PPARGC1A: variants seen among roughly 807,000 people sequenced by gnomAD.
The protein encoded by PPARGC1A is peroxisome proliferator-activated receptor gamma coactivator 1-alpha.
Under a neutral mutation model 88.7 loss-of-function variants are expected in PPARGC1A, and 25 were observed. That is an observed-to-expected ratio of 0.28 (90% CI 0.21 to 0.39). The LOEUF (loss-of-function observed/expected upper bound fraction) is 0.39. PPARGC1A is among the 10% of genes least tolerant of loss of function. The pLI is 1.00. For synonymous variants in PPARGC1A, 363 were observed against 355.6 expected (o/e 1.02, Z -0.24); for missense variants, 880 against 968.7 (o/e 0.91, Z 1.22).
In PPARGC1A at chr4:23,792,128, T is replaced by G. The variant is rs58448908; in HGVS notation, c.*3694A>C. 1 of 152,518 alleles carries G rather than the reference T, an allele frequency of 6.6e-6. No individual in the cohort carries two copies. Among genetic ancestry groups the G allele is most frequent in the Admixed American group, 6.6e-5 (1 of 15,238 alleles). 9.4% of individuals were successfully genotyped at this position (152,518 alleles called of 1,614,324 possible). On this transcript the variant is annotated 3_prime_UTR_variant, in exon 13 of 13. Coordinates refer to ENST00000264867, the MANE Select transcript of PPARGC1A (RefSeq NM_013261.5). ...CATACAATGAATAAAACCACAACAA[T>G]ACATGTAGAATTGGCAGGTGGAAAA...
At chr4:24,015,757 T>C in the PPARGC1A span, among the ~76,000 whole-genome samples, 4 of 152,184 alleles carry the variant, frequency 2.6e-5, no homozygotes, top group Admixed American at 2.6e-4. Context: ...ACAGTACATA[T>C]GACTTGTACA....
chr4:24,311,086 CTTTTTTTTTTTTT>C, the PPARGC1A span, among the ~76,000 whole-genome samples: 3 of 59,870 alleles, frequency 5.0e-5, no homozygotes, highest in Admixed American at 3.1e-4. Context: ...TATAATAATT[CTTTTTTTTTTTTT>C]TTTTTTTTTT....
intron 2 of PPARGC1A, among the ~76,000 whole-genome samples, chr4:23,836,727 TA>T (rs1216321055): frequency 6.6e-6 from 1 of 152,190 alleles, no homozygotes; most frequent in Non-Finnish European, 1.5e-5. Flanking sequence ...GGGGCACCTC[TA>T]CATTAAAATT....
At chr4:23,948,225 G>A in the PPARGC1A span, among the ~76,000 whole-genome samples, 47 of 152,270 alleles carry the variant, frequency 3.1e-4, no homozygotes, top group African/African-American at 1.1e-3. Context: ...AAACACCGTT[G>A]CTTCCCTCAA....
the PPARGC1A span, among the ~76,000 whole-genome samples, chr4:24,372,121 C>T: frequency 1.3e-5 from 2 of 152,140 alleles, no homozygotes; most frequent in African/African-American, 4.8e-5. Context: ...CAGCTCATTC[C>T]ATTCACCCCA....
the PPARGC1A span, among the ~76,000 whole-genome samples, chr4:24,354,912 CAG>C: frequency 1.4e-5 from 2 of 143,682 alleles, no homozygotes; most frequent in Non-Finnish European, 3.1e-5. Flanking sequence ...AAACAAAAAA[CAG>C]AAAAAAAACA....
chr4:24,044,991 C>G, the PPARGC1A span, among the ~76,000 whole-genome samples: 1 of 152,164 alleles, frequency 6.6e-6, no homozygotes, highest in Non-Finnish European at 1.5e-5. Flanking sequence ...AGCACAGAAG[C>G]TCTTGGGGGA....
At chr4:24,132,648 C>A in the PPARGC1A span, among the ~76,000 whole-genome samples, 1 of 152,204 alleles carries the variant, frequency 6.6e-6, no homozygotes. Flanking sequence ...CAAAACTGAC[C>A]TTTGCATTGG....
At chr4:24,099,287 CAAAAAAAAAA>C in the PPARGC1A span, among the ~76,000 whole-genome samples, 1 of 66,986 alleles carries the variant, frequency 1.5e-5, no homozygotes, top group Non-Finnish European at 3.3e-5. Context: ...CTCCCTCCTG[CAAAAAAAAAA>C]AAAAAAAAAA....
At chr4:24,430,503 C>A in the PPARGC1A span, among the ~76,000 whole-genome samples, 2 of 151,878 alleles carry the variant, frequency 1.3e-5, no homozygotes, top group Admixed American at 6.6e-5. Context: ...CCTCGTGATC[C>A]CCCTGCCTCG....
the PPARGC1A span, among the ~76,000 whole-genome samples, chr4:24,416,362 A>T: frequency 6.6e-6 from 1 of 152,150 alleles, no homozygotes; most frequent in Non-Finnish European, 1.5e-5. Flanking sequence ...AAATGTGCCA[A>T]GCCTGTGCAA....
chr4:24,105,211 T>G, the PPARGC1A span, among the ~76,000 whole-genome samples: 2 of 152,162 alleles, frequency 1.3e-5, no homozygotes, highest in Non-Finnish European at 2.9e-5. Context: ...AATTGTGTAA[T>G]TTTCAGACTT....
the PPARGC1A span, among the ~76,000 whole-genome samples, chr4:23,973,604 C>A: frequency 6.6e-5 from 10 of 152,174 alleles, no homozygotes; most frequent in Admixed American, 5.9e-4. Context: ...CTTCTCTTTG[C>A]CTTAACGGAA....
At chr4:24,189,189 T>C in the PPARGC1A span, among the ~76,000 whole-genome samples, 1 of 152,112 alleles carries the variant, frequency 6.6e-6, no homozygotes, top group African/African-American at 2.4e-5. Flanking sequence ...GAGCTTCAGT[T>C]TGAAGCTCTA....
chr4:23,868,280 G>C (rs1192743087), intron 2 of PPARGC1A, among the ~76,000 whole-genome samples: 4 of 152,146 alleles, frequency 2.6e-5, no homozygotes, highest in Non-Finnish European at 4.4e-5. Context: ...GCTGAGTTAG[G>C]GGGTAAGTTC....
intron 2 of PPARGC1A, among the ~76,000 whole-genome samples, chr4:23,839,464 G>A (rs944323980): frequency 2.6e-5 from 4 of 152,088 alleles, no homozygotes; most frequent in Non-Finnish European, 2.9e-5. Context: ...TTGTTCTCAA[G>A]TTTAAACTGA....
the PPARGC1A span, among the ~76,000 whole-genome samples, chr4:23,979,145 T>C: frequency 6.6e-6 from 1 of 152,216 alleles, no homozygotes; most frequent in Non-Finnish European, 1.5e-5. Flanking sequence ...CTGGCTTGTA[T>C]GTAATTATTG....
At chr4:24,174,301 A>G in the PPARGC1A span, among the ~76,000 whole-genome samples, 7 of 152,192 alleles carry the variant, frequency 4.6e-5, no homozygotes, top group Non-Finnish European at 8.8e-5. Context: ...ACCTGACCAT[A>G]AGAATCACCT....
chr4:24,333,940 C>CAACA, the PPARGC1A span, among the ~76,000 whole-genome samples: 2 of 13,830 alleles, frequency 1.4e-4, no homozygotes, highest in South Asian at 8.1e-3. Flanking sequence ...ACAACAACAA[C>CAACA]AAAAAAAAAA....
Sources: gnomAD v4.1 joint callset for allele counts (sites outside exome capture counted in the v4.1 genomes callset) on GRCh38, gnomAD v4.1.1 for gene constraint, MANE v1.5 for transcripts, NCBI Gene and HGNC (gene_info 2026-07-23, HGNC 2026-07-21) for gene names.